The following MGAM variants were observed in gnomAD, a reference collection of about 807,000 sequenced individuals.
MGAM encodes the protein alpha-1,4-glucosidase.
In MGAM, 253 loss-of-function variants were observed where a neutral mutation model predicts 358.8. The observed-to-expected ratio is 0.71, with a 90% CI of 0.64 to 0.78. The LOEUF (loss-of-function observed/expected upper bound fraction) is 0.78. Ranked by LOEUF, MGAM falls within the 30% of genes least tolerant of loss-of-function variation. The pLI is 0.00. For synonymous variants in MGAM, 1,105 were observed against 1,227.1 expected, an observed-to-expected ratio of 0.90 and a Z score of 2.08; for missense variants, 3,080 against 3,432.6, an observed-to-expected ratio of 0.90 and a Z score of 2.57.
At chr7:142,083,132 A>G (rs77371330) in intron 52 of MGAM, among the ~76,000 whole-genome samples, 169 bp from the exon 53 acceptor site, 1,908 of 146,692 alleles carry the variant, frequency 0.013, 92 homozygotes, top group African/African-American at 0.044. Flanking sequence ...GGAATGGGAC[A>G]TTTAGACTTC....
At position 142,076,526 on chromosome 7, in the gene MGAM, C is replaced by T. The variant is rs1791734359; in HGVS notation, c.5326-133C>T. ...ACTAATGTTGTACTTCTTGAGCAGA[C>T]ACTAGTAGAGAAAGCAGAGAGGCAT... On this transcript the variant is annotated intron_variant, in intron 46 of 70. Coordinates refer to ENST00000475668, the MANE Select transcript of MGAM (RefSeq NM_001365693.1). 8.7e-6 allele frequency: 8 copies of T among 924,204 alleles called. 2 individuals carry two copies. Among genetic ancestry groups the T allele is most frequent in the Non-Finnish European group, 1.0e-5 (6 of 582,252 alleles). 57.3% of individuals were successfully genotyped at this position (924,204 alleles called of 1,614,324 possible). A position where few individuals can be genotyped will look rare whatever the true frequency, so the allele number is the denominator to read the frequency against.
chr7:142,045,360 A>ATG (rs1452660709), intron 21 of MGAM, among the ~76,000 whole-genome samples: 1 of 97,190 alleles, frequency 1.0e-5, no homozygotes, highest in Non-Finnish European at 1.9e-5. Context: ...ATAATACATG[A>ATG]TATATAATAT....
intron 21 of MGAM, among the ~76,000 whole-genome samples, chr7:142,045,944 A>G (rs1420315845): frequency 1.7e-5 from 2 of 115,936 alleles, no homozygotes; most frequent in Non-Finnish European, 3.5e-5. Context: ...ACAATATGTA[A>G]TATATATTAT....
chr7:142,030,893 A>C (rs1039918943), intron 12 of MGAM, 136 bp downstream of exon 12: 2 of 652,278 alleles, frequency 3.1e-6, no homozygotes, highest in Non-Finnish European at 5.3e-6. Context: ...GCTGGGGATA[A>C]ATTCTCCTCT....
At chr7:142,056,988 C>A in intron 30 of MGAM, 46 bp downstream of exon 30, 1 of 1,576,316 alleles carries the variant, frequency 6.3e-7, no homozygotes, top group Non-Finnish European at 8.7e-7. Flanking sequence ...ACAGCACATT[C>A]TGGGTGCCAG....
intron 52 of MGAM, 107 bp from the exon 53 acceptor site, chr7:142,083,191 TTAC>T: frequency 1.2e-6 from 1 of 837,568 alleles, no homozygotes. Context: ...ATACTGGCTC[TTAC>T]TACTCTACGA....
chr7:142,008,678 T>C lies in MGAM; in HGVS notation c.300T>C (p.Asn100=), dbSNP rs561570471. ...CPVVNELERI[N]CIPDQPPTKA... ...TGGTAAATGAATTGGAACGAATTAATTGCATCCCTGACCAGCCGCCAACAA... is the reference window on the plus strand; with the variant it reads ...TGGTAAATGAATTGGAACGAATTAACTGCATCCCTGACCAGCCGCCAACAA... The change falls in exon 3 of 71, where the codon AAT becomes AAC. Residue 100 remains asparagine, a synonymous_variant. Coordinates refer to ENST00000475668, the MANE Select transcript of MGAM (RefSeq NM_001365693.1). 6.2e-7 allele frequency: 1 copy of C among 1,613,406 alleles called. No homozygotes were observed. The highest frequency in any genetic ancestry group is 2.2e-5 in the East Asian group (1 of 44,876).
chr7:142,045,278 A>G (rs1261139028), intron 21 of MGAM, among the ~76,000 whole-genome samples: 1 of 26,242 alleles, frequency 3.8e-5, no homozygotes, highest in South Asian at 1.1e-3. Context: ...ATATATACCT[A>G]TAATATATGA....
upstream of MGAM, chr7:141,995,878 T>G (rs1554448533): frequency 6.6e-6 from 1 of 152,234 alleles, no homozygotes; most frequent in African/African-American, 2.4e-5. Flanking sequence ...CCTCTGCTTT[T>G]ATTGCTAAGC....
intron 21 of MGAM, among the ~76,000 whole-genome samples, chr7:142,045,428 C>G (rs180898226): frequency 2.8e-5 from 3 of 107,158 alleles, no homozygotes; most frequent in African/African-American, 7.8e-5. Flanking sequence ...ACCTATAATA[C>G]ATGATATATT....
chr7:142,063,618 GC>G, intron 36 of MGAM, 32 bp downstream of exon 36: 2 of 1,605,050 alleles, frequency 1.2e-6, no homozygotes, highest in Non-Finnish European at 1.7e-6. Context: ...GACTGGCAGA[GC>G]CATGACTGGA....
chr7:142,076,866 T>G lies in MGAM; in HGVS notation c.5493+40T>G, dbSNP rs780685275. On this transcript the variant is annotated intron_variant, in intron 47 of 70. Transcript: ENST00000475668. The stretch of plus-strand genomic sequence containing the variant: ...TGTTGAGATGGTACATTGAGAATTC[T>G]CCATAGCACCATGATGTTTCTTCTT... 8.5e-6 allele frequency: 13 copies of G among 1,525,442 alleles called. 2 individuals carry two copies. The highest frequency in any genetic ancestry group is 1.3e-5 in the African/African-American group (1 of 74,376). 94.5% of individuals were successfully genotyped at this position (1,525,442 alleles called of 1,614,324 possible).
chr7:142,073,373 C>G (rs1450985456), intron 44 of MGAM, among the ~76,000 whole-genome samples: 1 of 145,604 alleles, frequency 6.9e-6, no homozygotes, highest in African/African-American at 2.4e-5. Context: ...GAATGTGAGT[C>G]CAGTGAGAGA....
At position 142,065,360 on chromosome 7, in the gene MGAM, C is replaced by T. The variant is rs200390887; in HGVS notation, c.4510C>T (p.Arg1504Ter). Reference sequence around the variant, plus strand: ...AGCCGTGCAGGAGGTGACGGGACAGCGAGGGGTCGTCATCACCCGCTCCAC... The same window carrying T: ...AGCCGTGCAGGAGGTGACGGGACAGTGAGGGGTCGTCATCACCCGCTCCAC... Reference protein sequence around the residue: ...YEAVQEVTGQRGVVITRSTFP... With the variant: ...YEAVQEVTGQ The change falls in exon 38 of 71, where the codon CGA becomes TGA. Residue 1504 changes from arginine to a stop codon, truncating the protein, a stop_gained. Transcript: ENST00000475668. LOFTEE classifies it high-confidence loss of function. The T allele has an allele frequency of 4.8e-5, 78 of 1,609,840 alleles. No individual in the cohort carries two copies. Among genetic ancestry groups the T allele is most frequent in the Non-Finnish European group, 6.1e-5 (72 of 1,178,404 alleles).
chr7:142,022,716 A>G (rs1554459430), intron 7 of MGAM, among the ~76,000 whole-genome samples: 2 of 152,210 alleles, frequency 1.3e-5, no homozygotes, highest in African/African-American at 4.8e-5. Context: ...AATGGCTGCC[A>G]GAAAGAAGGT....
intron 65 of MGAM, among the ~76,000 whole-genome samples, chr7:142,097,069 C>T (rs952252585): frequency 2.0e-5 from 3 of 151,980 alleles, no homozygotes; most frequent in African/African-American, 4.8e-5. Flanking sequence ...GCTAGGACTA[C>T]AGGCACGTGC....
In MGAM at chr7:142,075,732, C is replaced by T. The variant is rs1229450957; in HGVS notation, c.5276-471C>T. On this transcript the variant is annotated intron_variant, in intron 45 of 70. Coordinates refer to ENST00000475668, the MANE Select transcript of MGAM (RefSeq NM_001365693.1). ...CAGGTATGCAAGTCAAAAATCACAG[C>T]GAGATGTCACCTCACACCTGTTAGC... Among the ~76,000 whole-genome samples the T allele has an allele frequency of 2.7e-5, 4 of 145,678 alleles. 1 individual carries two copies. The highest frequency in any genetic ancestry group is 2.0e-4 in the East Asian group (1 of 4,948).
chr7:142,011,064 C>G (rs999735691), intron 3 of MGAM, among the ~76,000 whole-genome samples: 1 of 152,112 alleles, frequency 6.6e-6, no homozygotes, highest in Non-Finnish European at 1.5e-5. Flanking sequence ...GGGCAGGTTA[C>G]GTGCTTAAAG....
chr7:142,105,240 G>A (rs531753669), intron 70 of MGAM, among the ~76,000 whole-genome samples: 3 of 152,204 alleles, frequency 2.0e-5, no homozygotes, highest in South Asian at 4.1e-4. Flanking sequence ...TGGAAAAGAG[G>A]GCATTCTCTC....
Sources: allele counts gnomAD v4.1 joint callset (sites outside exome capture counted in the v4.1 genomes callset), GRCh38; gene constraint gnomAD v4.1.1; transcripts MANE v1.5; gene names NCBI Gene and HGNC (gene_info 2026-07-23, HGNC 2026-07-21).